Variants in RAP1GAP2 observed in about 807,000 individuals in gnomAD.
The protein encoded by RAP1GAP2 is rap1 GTPase-activating protein 2.
In RAP1GAP2, 27 loss-of-function variants were observed where a neutral mutation model predicts 95.0. The observed-to-expected ratio is 0.28, with a 90% CI of 0.21 to 0.39. The LOEUF (loss-of-function observed/expected upper bound fraction) is 0.39. Among genes scored for constraint, RAP1GAP2 ranks in the 10% least tolerant of loss-of-function variants. The probability of loss-of-function intolerance (pLI) is 1.00; values close to 1 mark genes in which losing one functional copy is unlikely to be tolerated. For missense variants in RAP1GAP2, 771 were observed against 970.0 expected, an observed-to-expected ratio of 0.79 and a Z score of 2.72; for synonymous variants, 373 against 380.9, an observed-to-expected ratio of 0.98 and a Z score of 0.24.
In RAP1GAP2 at chr17:2,818,330, TTTATTTATTTA is replaced by T. The variant is rs1490545954; in HGVS notation, c.80+17783_80+17793del. Reference sequence around the variant, plus strand: ...ATTTATTTATTTATTTATTTATTTATTTATTTATTTATTTTTGAGACGGAGTCTCTGTTGCC... The same window carrying T: ...ATTTATTTATTTATTTATTTATTTATTTTTTGAGACGGAGTCTCTGTTGCC... On this transcript the variant is annotated intron_variant, in intron 2 of 24. Transcript: ENST00000254695. Among the ~76,000 whole-genome samples, 167 of 141,770 alleles carry T rather than the reference TTTATTTATTTA, an allele frequency of 1.2e-3. 1 individual carries two copies. Among genetic ancestry groups the T allele is most frequent in the African/African-American group, 4.8e-3 (158 of 32,826 alleles). 93.0% of individuals were successfully genotyped at this position (141,770 alleles called of 152,430 possible). A position where few individuals can be genotyped will look rare whatever the true frequency, so the allele number is the denominator to read the frequency against.
chr17:2,759,076 G>A lies in RAP1GAP2; in HGVS notation c.50+3309G>A, dbSNP rs143290774. Among the ~76,000 whole-genome samples the A allele has an allele frequency of 4.6e-5, 7 of 152,114 alleles. No individual in the cohort carries two copies. The South Asian group carries it at 6.2e-4, about 14-fold the overall frequency. On this transcript the variant is annotated intron_variant, in intron 1 of 25. Transcript: ENST00000637138. ...GCTGGTCTCAAACTCCTGGGCTCAA[G>A]GGATCCTCCCATCTTGGCCTCCCAA...
chr17:2,789,405 A>C (rs1315908550), intron 1 of RAP1GAP2, among the ~76,000 whole-genome samples: 2 of 152,072 alleles, frequency 1.3e-5, no homozygotes, highest in African/African-American at 2.4e-5. Context: ...TTATTATTTA[A>C]AATTTTTAAC....
At chr17:2,760,121 G>A (rs150164075) in intron 1 of RAP1GAP2, among the ~76,000 whole-genome samples, 19,256 of 151,038 alleles carry the variant, frequency 0.13, 1,507 homozygotes, top group East Asian at 0.3. Flanking sequence ...GTGAAACCCC[G>A]TCTCTACCAA....
rs2047377678 is a variant in RAP1GAP2 at position 3,033,038 on chromosome 17, G to A, written c.*31-354G>A. The A allele has an allele frequency of 6.4e-6, 1 of 155,516 alleles. No individual in the cohort carries two copies. The highest frequency in any genetic ancestry group is 6.2e-5 in the Admixed American group (1 of 16,072). The allele number at this position is 155,516 out of a possible 1,614,324, so 9.6% of individuals were successfully genotyped here. The stretch of plus-strand genomic sequence containing the variant: ...GCTCCCAGCCCTCTCCCCACATGGG[G>A]CTTCAGGGGTCAGAGTCACAGCTGG... On this transcript the variant is annotated intron_variant, in intron 24 of 24. Coordinates refer to ENST00000254695, the MANE Select transcript of RAP1GAP2 (RefSeq NM_015085.5). The surrounding 1 kb of genome is among the most constrained non-coding windows in gnomAD (Gnocchi z 4.9).
upstream of RAP1GAP2, among the ~76,000 whole-genome samples, chr17:2,776,490 C>A (rs1873729654): frequency 6.6e-6 from 1 of 152,126 alleles, no homozygotes; most frequent in African/African-American, 2.4e-5. Context: ...CCGCCTTGGG[C>A]AGCCCCCAGG....
intron 3 of RAP1GAP2, among the ~76,000 whole-genome samples, chr17:2,950,656 G>T (rs529271619): frequency 8.7e-5 from 12 of 137,718 alleles, no homozygotes; most frequent in African/African-American, 3.4e-4. Context: ...TGTCACCCAG[G>T]CTGAAGGGCA....
intron 1 of RAP1GAP2, among the ~76,000 whole-genome samples, chr17:2,758,120 T>C (rs570970663): frequency 4.7e-4 from 70 of 149,730 alleles, no homozygotes; most frequent in African/African-American, 8.1e-4. Flanking sequence ...CCGCCCGCCT[T>C]GGCCTCTCAA....
chr17:2,789,761 G>A (rs886939659), intron 1 of RAP1GAP2, among the ~76,000 whole-genome samples: 4 of 122,854 alleles, frequency 3.3e-5, no homozygotes, highest in South Asian at 5.5e-4. Context: ...CAGCTTGGGC[G>A]ACAGAGTGAG....
intron 3 of RAP1GAP2, among the ~76,000 whole-genome samples, chr17:2,945,517 G>A (rs887148798): frequency 6.6e-6 from 1 of 151,786 alleles, no homozygotes; most frequent in Non-Finnish European, 1.5e-5. Context: ...CCCAATGGTA[G>A]TGGTGAAAGT....
intron 2 of RAP1GAP2, among the ~76,000 whole-genome samples, chr17:2,889,269 A>G (rs2073607524): frequency 6.6e-6 from 1 of 152,120 alleles, no homozygotes; most frequent in Non-Finnish European, 1.5e-5. Flanking sequence ...TGCAGTGGTG[A>G]TGAGCCGGGT....
intron 2 of RAP1GAP2, among the ~76,000 whole-genome samples, chr17:2,884,565 G>T (rs1318801983): frequency 6.6e-6 from 1 of 151,928 alleles, no homozygotes; most frequent in African/African-American, 2.4e-5. Flanking sequence ...TGGAAAAGGG[G>T]GTTTCACCAT....
At chr17:2,889,889 A>ATATATATATATATATATAT (rs1408426152) in intron 2 of RAP1GAP2, among the ~76,000 whole-genome samples, 5 of 57,316 alleles carry the variant, frequency 8.7e-5, no homozygotes, top group African/African-American at 2.9e-4. Flanking sequence ...ATATATATAT[A>ATATATATATATATATATAT]TTTTTTTTTT....
chr17:2,813,148 T>A (rs2069846875), intron 2 of RAP1GAP2, among the ~76,000 whole-genome samples: 1 of 151,136 alleles, frequency 6.6e-6, no homozygotes, highest in African/African-American at 2.4e-5. Flanking sequence ...CTTGGCTCAC[T>A]GCAACCTCCG....
At chr17:2,964,735 G>A (rs891435631) in intron 7 of RAP1GAP2, 1 of 152,888 alleles carries the variant, frequency 6.5e-6, no homozygotes, top group East Asian at 1.9e-4. Context: ...CATTCAGGCA[G>A]ATCCTCTGAG....
In RAP1GAP2 at chr17:3,026,380, T is replaced by A. The variant is rs12941934; in HGVS notation, c.1896T>A (p.Arg632=). The part of the protein sequence containing the change: ...KPFMKLKENG[R]AISRSSSSTS... ...TCATGAAGTTGAAGGAAAACGGCCGTGCCATCTCCCGCTCCTCCTCCAGCA... is the reference window on the plus strand; with the variant it reads ...TCATGAAGTTGAAGGAAAACGGCCGAGCCATCTCCCGCTCCTCCTCCAGCA... Residue 632 remains arginine (R), a synonymous_variant, in exon 21 of 25, where the codon CGT becomes CGA. Coordinates refer to ENST00000254695, the MANE Select transcript of RAP1GAP2 (RefSeq NM_015085.5). 1 of 1,551,904 alleles carries A rather than the reference T, an allele frequency of 6.4e-7. No homozygotes were observed. Among genetic ancestry groups the A allele is most frequent in the Non-Finnish European group, 8.7e-7 (1 of 1,147,432 alleles).
intron 3 of RAP1GAP2, among the ~76,000 whole-genome samples, chr17:2,932,863 G>A (rs557318696): frequency 4.0e-5 from 6 of 150,644 alleles, no homozygotes; most frequent in African/African-American, 1.2e-4. Flanking sequence ...CCACGGGCAG[G>A]GTATGGGTTC....
At chr17:2,892,835 A>G (rs774601604) in intron 2 of RAP1GAP2, among the ~76,000 whole-genome samples, 1 of 152,186 alleles carries the variant, frequency 6.6e-6, no homozygotes, top group Non-Finnish European at 1.5e-5. Flanking sequence ...CAAAGCCATC[A>G]GCACCAAGAG....
rs560337270 is a variant in RAP1GAP2 at position 2,985,101 on chromosome 17, C to T, written c.813+35C>T. ...ACCATCCATACCGGTGACTGTATCCCGTGGTTTCTCACTTAGGACTCTTTT... is the reference window on the plus strand; with the variant it reads ...ACCATCCATACCGGTGACTGTATCCTGTGGTTTCTCACTTAGGACTCTTTT... On this transcript the variant is annotated intron_variant, in intron 11 of 24. Transcript: ENST00000254695. 4.8e-5 allele frequency: 78 copies of T among 1,611,888 alleles called. No individual in the cohort carries two copies. The South Asian group carries it at 4.9e-4, about 10-fold the overall frequency.
chr17:3,032,486 G>A (rs1183372447), intron 24 of RAP1GAP2, 37 bp downstream of exon 24: 4 of 1,589,260 alleles, frequency 2.5e-6, no homozygotes, highest in Non-Finnish European at 3.5e-6. Flanking sequence ...GCCGTGAGGG[G>A]GGACGTGTGT....
Sources: gnomAD v4.1 joint callset for allele counts (sites outside exome capture counted in the v4.1 genomes callset) on GRCh38, gnomAD v4.1.1 for gene constraint, Gnocchi (gnomAD v3.1) non-coding constraint, MANE v1.5 for transcripts, NCBI Gene and HGNC (gene_info 2026-07-23, HGNC 2026-07-21) for gene names.